LRMDA: variants seen among roughly 807,000 people sequenced by gnomAD.
The protein encoded by LRMDA is leucine rich melanocyte differentiation associated, also known as leucine-rich melanocyte differentiation-associated protein.
Under a neutral mutation model 29.8 loss-of-function variants are expected in LRMDA, and 18 were observed. That is an observed-to-expected ratio of 0.60 (90% confidence interval 0.42 to 0.90). The LOEUF (loss-of-function observed/expected upper bound fraction) is 0.90. LRMDA is among the 40% of genes least tolerant of loss of function. LRMDA has a pLI of 0.00. For missense variants in LRMDA, 273 were observed against 273.9 expected (o/e 1.00, Z 0.02); for synonymous variants, 125 against 109.4 (o/e 1.14, Z -0.89).
At chr10:75,525,456 T>C (rs1845402597) in intron 2 of LRMDA, among the ~76,000 whole-genome samples, 1 of 152,132 alleles carries the variant, frequency 6.6e-6, no homozygotes, top group Non-Finnish European at 1.5e-5. Flanking sequence ...GTAATGAAAA[T>C]GCCCAGGATT....
intron 2 of LRMDA, among the ~76,000 whole-genome samples, chr10:76,023,202 G>A (rs1362010298): frequency 2.0e-5 from 3 of 152,016 alleles, no homozygotes; most frequent in Non-Finnish European, 2.9e-5. Context: ...AGGCAGCTCA[G>A]CCATTATGCA....
intron 2 of LRMDA, among the ~76,000 whole-genome samples, chr10:75,565,245 T>TTG (rs1840355144): frequency 6.6e-6 from 1 of 152,190 alleles, no homozygotes; most frequent in Non-Finnish European, 1.5e-5. Context: ...GTTTCCTAGG[T>TTG]TGTGTCAAGA....
intron 2 of LRMDA, among the ~76,000 whole-genome samples, chr10:75,745,995 T>G (rs976775662): frequency 1.3e-5 from 2 of 152,230 alleles, no homozygotes; most frequent in African/African-American, 4.8e-5. Context: ...GCCTGGCTTC[T>G]CACTAGAAAT....
chr10:76,223,881 T>G (rs913232591), intron 5 of LRMDA, among the ~76,000 whole-genome samples: 1 of 152,202 alleles, frequency 6.6e-6, no homozygotes, highest in African/African-American at 2.4e-5. Context: ...CTTCTTTCAC[T>G]TCCTCTTTGG....
chr10:76,025,720 A>G (rs1309571961), intron 2 of LRMDA, among the ~76,000 whole-genome samples: 1 of 152,226 alleles, frequency 6.6e-6, no homozygotes, highest in Non-Finnish European at 1.5e-5. Flanking sequence ...CAAATGTGGA[A>G]TAAGGTATCA....
chr10:75,432,461 C>T (rs1844211093), intron 1 of LRMDA, among the ~76,000 whole-genome samples: 1 of 152,262 alleles, frequency 6.6e-6, no homozygotes, highest in Admixed American at 6.5e-5. Context: ...GTAGTGAAGC[C>T]TCAGGTGTTC....
At chr10:75,577,818 G>A (rs1418432620) in intron 2 of LRMDA, among the ~76,000 whole-genome samples, 11 of 151,940 alleles carry the variant, frequency 7.2e-5, no homozygotes, top group Non-Finnish European at 1.5e-4. Flanking sequence ...AAATAAAACC[G>A]TTTACAGACA....
At chr10:75,756,341 G>A (rs749021505) in intron 2 of LRMDA, among the ~76,000 whole-genome samples, 2 of 152,160 alleles carry the variant, frequency 1.3e-5, no homozygotes, top group Non-Finnish European at 1.5e-5. Flanking sequence ...CTGCTGCCTG[G>A]AACTGGTTGT....
chr10:75,464,768 T>C (rs1220162498), intron 2 of LRMDA, among the ~76,000 whole-genome samples: 6 of 152,110 alleles, frequency 3.9e-5, no homozygotes, highest in African/African-American at 1.2e-4. Flanking sequence ...TCAGGGGAAG[T>C]CCTCAAATTA....
intron 5 of LRMDA, among the ~76,000 whole-genome samples, chr10:76,176,008 G>A (rs1366731446): frequency 5.3e-5 from 8 of 152,170 alleles, no homozygotes; most frequent in African/African-American, 9.7e-5. Context: ...GGAATGAGCC[G>A]GGCCTGGAGA....
At chr10:75,910,595 T>TG (rs1845826658) in intron 2 of LRMDA, among the ~76,000 whole-genome samples, 1 of 152,136 alleles carries the variant, frequency 6.6e-6, no homozygotes, top group African/African-American at 2.4e-5. Context: ...AGGCTGGAAG[T>TG]GGGGGACTTA....
chr10:76,491,371 T>G (rs1210130478), intron 6 of LRMDA, among the ~76,000 whole-genome samples: 1 of 152,040 alleles, frequency 6.6e-6, no homozygotes, highest in Admixed American at 6.6e-5. Flanking sequence ...CTGGTGTTGA[T>G]GAAATCCCTC....
At chr10:75,769,713 T>G (rs1843214441) in intron 2 of LRMDA, among the ~76,000 whole-genome samples, 4 of 152,266 alleles carry the variant, frequency 2.6e-5, no homozygotes, top group Admixed American at 2.6e-4. Flanking sequence ...GCAACATTGT[T>G]ATTTGTTTTC....
chr10:76,082,766 C>T (rs1849068690), intron 5 of LRMDA, among the ~76,000 whole-genome samples: 1 of 152,138 alleles, frequency 6.6e-6, no homozygotes, highest in African/African-American at 2.4e-5. Context: ...TTCTGGAGTA[C>T]AGGCTGGCTT....
At chr10:76,126,766 C>A (rs755672096) in intron 5 of LRMDA, among the ~76,000 whole-genome samples, 1 of 152,154 alleles carries the variant, frequency 6.6e-6, no homozygotes, top group Non-Finnish European at 1.5e-5. Flanking sequence ...TAGCTGTGGG[C>A]AGAATTGTGG....
chr10:76,403,863 T>C (rs1252882511), intron 6 of LRMDA, among the ~76,000 whole-genome samples: 1 of 152,132 alleles, frequency 6.6e-6, no homozygotes, highest in Non-Finnish European at 1.5e-5. Context: ...AGTTCTCTTT[T>C]CCTAGTTTCC....
chr10:76,487,243 C>A (rs1842791149), intron 6 of LRMDA, among the ~76,000 whole-genome samples: 1 of 151,822 alleles, frequency 6.6e-6, no homozygotes, highest in African/African-American at 2.4e-5. Context: ...AGATTTAAGA[C>A]ATTACTTTTA....
chr10:75,985,269 C>T (rs1847244163), intron 2 of LRMDA, among the ~76,000 whole-genome samples: 1 of 152,172 alleles, frequency 6.6e-6, no homozygotes, highest in Non-Finnish European at 1.5e-5. Context: ...ACCATGGCAT[C>T]CAGCGTTTTC....
chr10:76,190,693 A>G (rs147903395), intron 5 of LRMDA, among the ~76,000 whole-genome samples: 1 of 152,328 alleles, frequency 6.6e-6, no homozygotes, highest in East Asian at 1.9e-4. Context: ...AGTGTTTCTA[A>G]CAAAGCTGCC....
Sources: allele counts gnomAD v4.1 joint callset (sites outside exome capture counted in the v4.1 genomes callset), GRCh38; gene constraint gnomAD v4.1.1; transcripts MANE v1.5; gene names NCBI Gene and HGNC (gene_info 2026-07-23, HGNC 2026-07-21).